ERC2: variants seen among roughly 807,000 people sequenced by gnomAD.
ERC2 encodes the protein ERC protein 2.
ERC2 carries 42 observed loss-of-function variants against 114.8 expected under a neutral mutation model. The observed-to-expected ratio is 0.37, with a 90% CI of 0.29 to 0.47. The LOEUF (loss-of-function observed/expected upper bound fraction) is 0.47, where lower values mean the gene tolerates loss of function less well. ERC2 is among the 20% of genes least tolerant of loss of function. The pLI is 0.99. For synonymous variants in ERC2, 454 were observed against 425.5 expected, an observed-to-expected ratio of 1.07 and a Z score of -0.82; for missense variants, 939 against 1,150.7, an observed-to-expected ratio of 0.82 and a Z score of 2.66.
chr3:56,462,626 G>A (rs2063364282), intron 1 of ERC2, among the ~76,000 whole-genome samples: 1 of 152,162 alleles, frequency 6.6e-6, no homozygotes, highest in African/African-American at 2.4e-5. Flanking sequence ...GATCCTGAAA[G>A]TCAAAATGAT....
chr3:56,366,971 G>A (rs1432663007), intron 2 of ERC2, among the ~76,000 whole-genome samples: 1 of 152,176 alleles, frequency 6.6e-6, no homozygotes, highest in East Asian at 1.9e-4. Context: ...AGCATTTGAA[G>A]GCATCCACTT....
chr3:56,079,166 C>G (rs1276377161), intron 7 of ERC2, among the ~76,000 whole-genome samples: 2 of 152,056 alleles, frequency 1.3e-5, no homozygotes, highest in Admixed American at 1.3e-4. Context: ...TAAAAAGAAA[C>G]AAGTGAAATT....
At chr3:55,976,836 T>C (rs1017471624) in intron 12 of ERC2, among the ~76,000 whole-genome samples, 4 of 152,190 alleles carry the variant, frequency 2.6e-5, no homozygotes, top group Admixed American at 6.5e-5. Flanking sequence ...AACATAAAAA[T>C]ACTAAGAGAC....
chr3:56,234,324 G>A (rs932861987), intron 3 of ERC2, among the ~76,000 whole-genome samples: 1 of 152,176 alleles, frequency 6.6e-6, no homozygotes, highest in African/African-American at 2.4e-5. Flanking sequence ...ATGGAATGTA[G>A]TAAAATGGCA....
At chr3:56,103,723 T>A (rs1487256655) in intron 6 of ERC2, among the ~76,000 whole-genome samples, 3 of 151,556 alleles carry the variant, frequency 2.0e-5, no homozygotes, top group Admixed American at 6.6e-5. Context: ...CTGAAATAAT[T>A]TAACAAAAAA....
chr3:56,064,473 T>C (rs77087254), intron 7 of ERC2, among the ~76,000 whole-genome samples: 1 of 152,268 alleles, frequency 6.6e-6, no homozygotes, highest in East Asian at 1.9e-4. Context: ...ATATCTCCAC[T>C]CCATGTCAAT....
At chr3:55,526,783 G>A (rs2053347112) in intron 17 of ERC2, among the ~76,000 whole-genome samples, 2 of 152,210 alleles carry the variant, frequency 1.3e-5, no homozygotes, top group African/African-American at 4.8e-5. Flanking sequence ...CGGGGCCTTG[G>A]TGCACAATCG....
At chr3:56,121,388 C>T (rs2079564702) in intron 6 of ERC2, among the ~76,000 whole-genome samples, 1 of 152,064 alleles carries the variant, frequency 6.6e-6, no homozygotes, top group Admixed American at 6.6e-5. Flanking sequence ...TTAGAACACT[C>T]CTGGATTTTC....
chr3:56,138,645 C>T (rs180888233), intron 6 of ERC2, among the ~76,000 whole-genome samples: 11 of 152,336 alleles, frequency 7.2e-5, no homozygotes, highest in African/African-American at 2.4e-4. Context: ...AAAGACACAG[C>T]TCAAAGAGCC....
At chr3:56,171,952 G>T (rs1315705166) in intron 4 of ERC2, among the ~76,000 whole-genome samples, 1 of 146,854 alleles carries the variant, frequency 6.8e-6, no homozygotes, top group Non-Finnish European at 1.5e-5. Context: ...TGGATGGAAG[G>T]GGGACTGAGT....
chr3:56,013,990 A>G (rs73089166), intron 8 of ERC2, among the ~76,000 whole-genome samples: 1 of 152,188 alleles, frequency 6.6e-6, no homozygotes, highest in Non-Finnish European at 1.5e-5. Flanking sequence ...TTCCTATCCA[A>G]CGGTTTTATC....
At chr3:55,877,502 A>T (rs28649471) in intron 14 of ERC2, among the ~76,000 whole-genome samples, 8 of 146,050 alleles carry the variant, frequency 5.5e-5, no homozygotes, top group Admixed American at 4.1e-4. Flanking sequence ...TCTTTTTTTA[A>T]TTTTTATTTT....
intron 13 of ERC2, among the ~76,000 whole-genome samples, chr3:55,939,757 CACAA>C (rs1361198325): frequency 1.3e-5 from 2 of 152,198 alleles, no homozygotes; most frequent in African/African-American, 4.8e-5. Flanking sequence ...TAATCTACTT[CACAA>C]ACAATTACAT....
chr3:55,634,418 C>T (rs1436093215), intron 17 of ERC2, among the ~76,000 whole-genome samples: 1 of 152,182 alleles, frequency 6.6e-6, no homozygotes, highest in East Asian at 1.9e-4. Flanking sequence ...TGAATATTGT[C>T]AGTCCCGGCT....
At chr3:55,883,440 G>A (rs1436367027) in intron 14 of ERC2, among the ~76,000 whole-genome samples, 1 of 152,118 alleles carries the variant, frequency 6.6e-6, no homozygotes, top group Non-Finnish European at 1.5e-5. Flanking sequence ...TAAAAGGATA[G>A]TACCAGAGGT....
At chr3:55,777,454 G>T (rs2068713060) in intron 14 of ERC2, among the ~76,000 whole-genome samples, 1 of 152,192 alleles carries the variant, frequency 6.6e-6, no homozygotes, top group Non-Finnish European at 1.5e-5. Flanking sequence ...AACAAAAGTG[G>T]GCATACAGGC....
chr3:55,584,158 C>A (rs1229186899), intron 17 of ERC2, among the ~76,000 whole-genome samples: 14 of 152,160 alleles, frequency 9.2e-5, no homozygotes, highest in Admixed American at 9.2e-4. Flanking sequence ...CTCAGGGACC[C>A]CCACAGGGAA....
intron 17 of ERC2, among the ~76,000 whole-genome samples, chr3:55,598,335 G>A (rs933123449): frequency 6.6e-6 from 1 of 152,200 alleles, no homozygotes. Flanking sequence ...CAGCCCAATA[G>A]TTAAAGAAGG....
intron 12 of ERC2, among the ~76,000 whole-genome samples, chr3:55,951,177 G>A (rs1459515042): frequency 6.6e-6 from 1 of 152,170 alleles, no homozygotes; most frequent in African/African-American, 2.4e-5. Flanking sequence ...GGCTCATAGG[G>A]CCTCTGGTCC....
Sources: gnomAD v4.1 joint callset for allele counts (sites outside exome capture counted in the v4.1 genomes callset) on GRCh38, gnomAD v4.1.1 for gene constraint, MANE v1.5 for transcripts, NCBI Gene and HGNC (gene_info 2026-07-23, HGNC 2026-07-21) for gene names.